Variants in PDS5B observed in about 807,000 individuals in gnomAD.
PDS5B encodes the protein PDS5 cohesin associated factor B, also known as sister chromatid cohesion protein PDS5 homolog B.
PDS5B carries 51 observed loss-of-function variants against 184.1 expected under a neutral mutation model. The ratio of observed to expected loss-of-function variants is 0.28; its 90% CI spans 0.22 to 0.35. PDS5B has a LOEUF of 0.35. Ranked by LOEUF, PDS5B falls within the 10% of genes least tolerant of loss-of-function variation. PDS5B has a pLI of 1.00. For missense variants in PDS5B, 1,180 were observed against 1,723.3 expected (o/e 0.68, Z 5.58); for synonymous variants, 566 against 569.2 (o/e 0.99, Z 0.08).
At chr13:32,769,183 C>G (rs1050602339) in intron 31 of PDS5B, among the ~76,000 whole-genome samples, 2 of 151,714 alleles carry the variant, frequency 1.3e-5, no homozygotes, top group African/African-American at 4.8e-5. Context: ...AGCATAGAGG[C>G]ATACACAAAA....
intron 3 of PDS5B, among the ~76,000 whole-genome samples, chr13:32,657,867 A>G (rs571562310): frequency 1.3e-5 from 2 of 152,282 alleles, no homozygotes; most frequent in African/African-American, 4.8e-5. Context: ...TTTAATTACC[A>G]TATATTTTAC....
intron 19 of PDS5B, among the ~76,000 whole-genome samples, chr13:32,714,561 G>A (rs571801733): frequency 1.3e-5 from 2 of 152,222 alleles, no homozygotes; most frequent in South Asian, 2.1e-4. Context: ...CACCTGGGGG[G>A]GCTGTTTATA....
At chr13:32,600,199 CTGTTTTGAAGTCCT>C (rs1566235973) in intron 1 of PDS5B, among the ~76,000 whole-genome samples, 3 of 152,142 alleles carry the variant, frequency 2.0e-5, no homozygotes, top group South Asian at 4.1e-4. Context: ...TTCATAATAG[CTGTTTTGAAGTCCT>C]TGTTTATTCC....
At chr13:32,706,465 A>C (rs1186834707) in intron 17 of PDS5B, among the ~76,000 whole-genome samples, 5 of 151,954 alleles carry the variant, frequency 3.3e-5, no homozygotes, top group African/African-American at 9.7e-5. Flanking sequence ...TTTTAGGAGG[A>C]GGCCTAGGTA....
intron 23 of PDS5B, among the ~76,000 whole-genome samples, 190 bp downstream of exon 23, chr13:32,742,917 G>A (rs1252569453): frequency 6.6e-6 from 1 of 150,758 alleles, no homozygotes; most frequent in Non-Finnish European, 1.5e-5. Flanking sequence ...GTCTGGTGCA[G>A]GGTACTGTTA....
intron 10 of PDS5B, among the ~76,000 whole-genome samples, chr13:32,682,490 C>T (rs998615217): frequency 3.3e-5 from 5 of 152,082 alleles, no homozygotes; most frequent in Non-Finnish European, 5.9e-5. Flanking sequence ...ATTATTATTC[C>T]GTTGTATGAA....
At chr13:32,754,092 T>G (rs1287263577) in intron 25 of PDS5B, among the ~76,000 whole-genome samples, 1 of 152,134 alleles carries the variant, frequency 6.6e-6, no homozygotes, top group African/African-American at 2.4e-5. Context: ...TTCTGTTAAT[T>G]CTTTCTCCAA....
At chr13:32,751,210 T>G (rs9591309) in intron 24 of PDS5B, among the ~76,000 whole-genome samples, 1 of 152,220 alleles carries the variant, frequency 6.6e-6, no homozygotes, top group Non-Finnish European at 1.5e-5. Context: ...ACATGTAGTA[T>G]TCCATGGTGT....
intron 1 of PDS5B, among the ~76,000 whole-genome samples, chr13:32,646,369 GTTTTTTTTTTTTTT>G (rs58539534): frequency 4.7e-5 from 5 of 106,086 alleles, no homozygotes; most frequent in Non-Finnish European, 8.7e-5. Context: ...TCATGGCTGT[GTTTTTTTTTTTTTT>G]TTTTTTTTTG....
At chr13:32,722,428 G>A (rs1162875109) in intron 19 of PDS5B, among the ~76,000 whole-genome samples, 5 of 152,138 alleles carry the variant, frequency 3.3e-5, no homozygotes, top group African/African-American at 9.7e-5. Context: ...TCTATGTTTA[G>A]ATATACAGAT....
At chr13:32,677,846 G>A (rs530259480) in intron 9 of PDS5B, among the ~76,000 whole-genome samples, 28 of 152,042 alleles carry the variant, frequency 1.8e-4, no homozygotes, top group Admixed American at 1.5e-3. Flanking sequence ...GAAAAATCTT[G>A]GATTCACTTT....
chr13:32,685,432 G>T (rs1419054270), intron 11 of PDS5B, among the ~76,000 whole-genome samples: 1 of 151,972 alleles, frequency 6.6e-6, no homozygotes, highest in East Asian at 1.9e-4. Context: ...GTGTATTGTT[G>T]GGATCATAAT....
intron 20 of PDS5B, among the ~76,000 whole-genome samples, chr13:32,734,015 A>ACAC (rs1555312887): frequency 1.2e-4 from 7 of 58,158 alleles, no homozygotes; most frequent in African/African-American, 2.5e-4. Context: ...CACACACACA[A>ACAC]ACATATATTT....
At chr13:32,637,837 T>C (rs2140606280) in intron 1 of PDS5B, among the ~76,000 whole-genome samples, 1 of 152,354 alleles carries the variant, frequency 6.6e-6, no homozygotes, top group African/African-American at 2.4e-5. Flanking sequence ...GTTCACTTGA[T>C]TTGGCAACAT....
chr13:32,733,378 T>G (rs1034970639), intron 20 of PDS5B, among the ~76,000 whole-genome samples: 2 of 152,178 alleles, frequency 1.3e-5, no homozygotes, highest in African/African-American at 4.8e-5. Context: ...GCCATTAATT[T>G]TGCTTTTTAG....
intron 3 of PDS5B, among the ~76,000 whole-genome samples, chr13:32,655,725 T>C (rs1240061733): frequency 2.0e-5 from 3 of 152,216 alleles, no homozygotes; most frequent in East Asian, 3.9e-4. Context: ...CCTTATACCT[T>C]CTTGATATTA....
intron 1 of PDS5B, among the ~76,000 whole-genome samples, chr13:32,595,496 A>G (rs763863509): frequency 2.0e-5 from 3 of 152,188 alleles, no homozygotes; most frequent in African/African-American, 4.8e-5. Context: ...AAACACAACT[A>G]TGTAGAAGGA....
At chr13:32,748,332 T>C (rs145840665) in intron 24 of PDS5B, among the ~76,000 whole-genome samples, 75 of 152,342 alleles carry the variant, frequency 4.9e-4, no homozygotes, top group African/African-American at 1.7e-3. Flanking sequence ...GTTGAAGTCC[T>C]CAAGTCCAGT....
At chr13:32,654,527 C>CT (rs201920030) in intron 3 of PDS5B, among the ~76,000 whole-genome samples, 258 of 151,506 alleles carry the variant, frequency 1.7e-3, no homozygotes, top group East Asian at 0.015. Context: ...TTTAAGTAAC[C>CT]TTTTTTTTTA....
Sources: allele counts gnomAD v4.1 joint callset (sites outside exome capture counted in the v4.1 genomes callset), GRCh38; gene constraint gnomAD v4.1.1; transcripts MANE v1.5; gene names NCBI Gene and HGNC (gene_info 2026-07-23, HGNC 2026-07-21).